The following CHURC1 variants were observed in gnomAD, a reference collection of about 807,000 sequenced individuals.
CHURC1 encodes churchill domain containing 1, also known as protein Churchill.
CHURC1 carries 12 observed loss-of-function variants against 15.4 expected under a neutral mutation model. The observed-to-expected ratio is 0.78, with a 90% CI of 0.50 to 1.27. The LOEUF (loss-of-function observed/expected upper bound fraction) is 1.27, where lower values mean the gene tolerates loss of function less well. Ranked by LOEUF, CHURC1 falls within the 50% of genes most tolerant of loss-of-function variation. The probability of loss-of-function intolerance (pLI) is 0.00; values close to 1 mark genes in which losing one functional copy is unlikely to be tolerated. For missense variants in CHURC1, 132 were observed against 137.8 expected, an observed-to-expected ratio of 0.96 and a Z score of 0.21; for synonymous variants, 42 against 47.5, an observed-to-expected ratio of 0.88 and a Z score of 0.48.
At chr14:64,930,175 C>T (rs1305985502) in intron 3 of CHURC1, among the ~76,000 whole-genome samples, 1 of 152,028 alleles carries the variant, frequency 6.6e-6, no homozygotes, top group African/African-American at 2.4e-5. Flanking sequence ...TCTGCTCTTC[C>T]CTCCAAATAT....
At position 64,934,004 on chromosome 14, in the gene CHURC1, T is replaced by C; in HGVS notation, c.*1774T>C. On this transcript the variant is annotated 3_prime_UTR_variant, in exon 4 of 4. Coordinates refer to ENST00000549115, the MANE Select transcript of CHURC1 (RefSeq NM_001386928.1). The stretch of plus-strand genomic sequence containing the variant: ...AAAGGTTTATATTCACTATTCTTTA[T>C]TTCAGTGTAGCACTTTTAGAGCCAA... 1.0e-6 allele frequency: 1 copy of C among 984,070 alleles called. No individual in the cohort carries two copies. The highest frequency in any genetic ancestry group is 1.2e-6 in the Non-Finnish European group (1 of 829,792). The allele number at this position is 984,070 out of a possible 1,614,324, so 61.0% of individuals were successfully genotyped here.
At chr14:64,917,184 C>G (rs1034902474) in intron 1 of CHURC1, among the ~76,000 whole-genome samples, 3 of 152,150 alleles carry the variant, frequency 2.0e-5, no homozygotes, top group African/African-American at 7.2e-5. Context: ...GTAATCCCAG[C>G]ACTTTGGGAG....
At chr14:64,918,484 GC>G (rs1432321480) in intron 1 of CHURC1, among the ~76,000 whole-genome samples, 4 of 152,176 alleles carry the variant, frequency 2.6e-5, no homozygotes, top group Non-Finnish European at 5.9e-5. Context: ...AAGAGCAGAA[GC>G]CCACTGCTTT....
intron 1 of CHURC1, among the ~76,000 whole-genome samples, chr14:64,921,109 G>A (rs1884263417): frequency 1.3e-5 from 2 of 152,152 alleles, no homozygotes; most frequent in Non-Finnish European, 2.9e-5. Flanking sequence ...TGGGGGGAAA[G>A]ACAGTTCTTC....
intron 1 of CHURC1, among the ~76,000 whole-genome samples, chr14:64,922,109 G>T (rs916785636): frequency 2.0e-5 from 3 of 152,184 alleles, no homozygotes; most frequent in African/African-American, 7.2e-5. Flanking sequence ...ATGGAGGTTA[G>T]AGATAGACTG....
chr14:64,933,260 T>C lies in CHURC1; in HGVS notation c.*1030T>C, dbSNP rs568779384. 397 of 477,376 alleles carry C rather than the reference T, an allele frequency of 8.3e-4. 1 individual carries two copies. The highest frequency in any genetic ancestry group is 1.0e-3 in the Non-Finnish European group (382 of 365,242). The allele number at this position is 477,376 out of a possible 1,614,324, so 29.6% of individuals were successfully genotyped here. On this transcript the variant is annotated 3_prime_UTR_variant, in exon 4 of 4. Coordinates refer to ENST00000549115, the MANE Select transcript of CHURC1 (RefSeq NM_001386928.1). ...CCTGAGAAGACATGACTGCTAGATG[T>C]AATGTGGTATCCTACATGGAATTAT... is the stretch of plus-strand genomic sequence containing the variant.
In CHURC1 at chr14:64,934,027, C is replaced by CAA. The variant is rs35743220; in HGVS notation, c.*1803_*1804dup. ...TATTTCAGTGTAGCACTTTTAGAGC[C>CAA]AAAAAAACTCAGGCACAAAGAAGTT... On this transcript the variant is annotated 3_prime_UTR_variant, in exon 4 of 4. Transcript: ENST00000549115. 3.0e-6 allele frequency: 3 copies of CAA among 984,738 alleles called. No individual in the cohort carries two copies. Among genetic ancestry groups the CAA allele is most frequent in the African/African-American group, 3.5e-5 (2 of 57,088 alleles). The allele number at this position is 984,738 out of a possible 1,614,324, so 61.0% of individuals were successfully genotyped here.
intron 3 of CHURC1, among the ~76,000 whole-genome samples, chr14:64,927,817 T>A (rs914274062): frequency 5.3e-5 from 8 of 150,560 alleles, no homozygotes; most frequent in Admixed American, 4.7e-4. Flanking sequence ...GTGCCTATAG[T>A]TCGAGCTACT....
At chr14:64,921,627 CTGAA>C (rs1317249148) in intron 1 of CHURC1, among the ~76,000 whole-genome samples, 1 of 152,152 alleles carries the variant, frequency 6.6e-6, no homozygotes, top group Admixed American at 6.5e-5. Context: ...CTTTACGTCA[CTGAA>C]TGGCAAAAAT....
intron 3 of CHURC1, among the ~76,000 whole-genome samples, chr14:64,928,650 C>T (rs959746039): frequency 1.3e-5 from 2 of 151,788 alleles, no homozygotes; most frequent in Admixed American, 6.5e-5. Flanking sequence ...TTCTCTCATA[C>T]GTTTCCTATA....
rs1064108 is a variant in CHURC1, at chr14:64,933,547, C to T, written c.*1317C>T. 0.33 allele frequency: 318,008 copies of T among 976,432 alleles called. 60,765 individuals are homozygous for T. Among genetic ancestry groups the T allele is most frequent in the African/African-American group, 0.82 (46,687 of 57,056 alleles). The allele number at this position is 976,432 out of a possible 1,614,324, so 60.5% of individuals were successfully genotyped here. ...TCCTGTTTCTATCAAATTGGACTAA[C>T]AAAAATTGATATAATACATTCATCA... On this transcript the variant is annotated 3_prime_UTR_variant, in exon 4 of 4. Transcript: ENST00000549115.
chr14:64,914,757 G>A (rs1259212542), intron 1 of CHURC1, among the ~76,000 whole-genome samples: 1 of 152,208 alleles, frequency 6.6e-6, no homozygotes, highest in Non-Finnish European at 1.5e-5. Flanking sequence ...GTTCTCTTGA[G>A]CTCCAAGGAG....
chr14:64,932,281 G>A lies in CHURC1; in HGVS notation c.*51G>A. 6.3e-7 allele frequency: 1 copy of A among 1,590,000 alleles called. No homozygotes were observed. The highest frequency in any genetic ancestry group is 8.6e-7 in the Non-Finnish European group (1 of 1,165,428). On this transcript the variant is annotated 3_prime_UTR_variant, in exon 4 of 4. Transcript: ENST00000549115. ...CTATATTGTGTTGGTTTACAATACA[G>A]CAAGCCTGATGGTTTGTCTTATTTC...
intron 2 of CHURC1, among the ~76,000 whole-genome samples, chr14:64,925,255 T>C (rs1047588369): frequency 3.3e-5 from 5 of 152,190 alleles, no homozygotes; most frequent in African/African-American, 1.2e-4. Flanking sequence ...AAATCATCGT[T>C]TTTACTAGAT....
At chr14:64,919,710 C>A (rs951552115) in intron 1 of CHURC1, among the ~76,000 whole-genome samples, 1 of 151,792 alleles carries the variant, frequency 6.6e-6, no homozygotes, top group Non-Finnish European at 1.5e-5. Flanking sequence ...TGGTGAAACC[C>A]TGTTTCTACC....
chr14:64,914,615 G>T (rs1233771160), intron 1 of CHURC1, 81 bp downstream of exon 1: 1 of 1,597,376 alleles, frequency 6.3e-7, no homozygotes, highest in Non-Finnish European at 8.6e-7. Context: ...CAGAGAGGCC[G>T]TACGTGGGGC....
chr14:64,920,790 A>AT (rs1219871069), intron 1 of CHURC1, among the ~76,000 whole-genome samples: 4 of 152,114 alleles, frequency 2.6e-5, no homozygotes, highest in African/African-American at 9.7e-5. Flanking sequence ...GTTTTCCTTA[A>AT]TTTTTTGGAG....
At chr14:64,920,338 TA>T (rs1405943025) in intron 1 of CHURC1, among the ~76,000 whole-genome samples, 1 of 152,246 alleles carries the variant, frequency 6.6e-6, no homozygotes, top group Non-Finnish European at 1.5e-5. Context: ...GGTCTACTGT[TA>T]TTATTGTGGA....
Position 64,934,217 on chromosome 14 carries a change from T to A in CHURC1, c.*1987T>A, listed in dbSNP as rs1885221784. ...AACAAAAATTAGCCAGGGGTGGTGGTATGCACCTGCAGTCCCAGCAACATG... is the reference window on the plus strand; with the variant it reads ...AACAAAAATTAGCCAGGGGTGGTGGAATGCACCTGCAGTCCCAGCAACATG... On this transcript the variant is annotated 3_prime_UTR_variant, in exon 4 of 4. Coordinates refer to ENST00000549115, the MANE Select transcript of CHURC1 (RefSeq NM_001386928.1). The A allele has an allele frequency of 3.1e-6, 1 of 321,650 alleles. No individual in the cohort carries two copies. The highest frequency in any genetic ancestry group is 2.3e-5 in the African/African-American group (1 of 44,298). 19.9% of individuals were successfully genotyped at this position (321,650 alleles called of 1,614,324 possible).
Sources: allele counts gnomAD v4.1 joint callset (sites outside exome capture counted in the v4.1 genomes callset), GRCh38; gene constraint gnomAD v4.1.1; transcripts MANE v1.5; gene names NCBI Gene and HGNC (gene_info 2026-07-23, HGNC 2026-07-21).